The following MAGI2 variants were observed in gnomAD, a reference collection of about 807,000 sequenced individuals.
MAGI2 encodes membrane-associated guanylate kinase, WW and PDZ domain-containing protein 2.
MAGI2 carries 35 observed loss-of-function variants against 133.3 expected under a neutral mutation model. That is an observed-to-expected ratio of 0.26 (90% confidence interval 0.20 to 0.35). The LOEUF (loss-of-function observed/expected upper bound fraction) is 0.35, where lower values mean the gene tolerates loss of function less well. Among genes scored for constraint, MAGI2 ranks in the 10% least tolerant of loss-of-function variants. MAGI2 has a pLI of 1.00. For synonymous variants in MAGI2, 729 were observed against 710.6 expected (o/e 1.03, Z -0.41); for missense variants, 1,636 against 1,863.4 (o/e 0.88, Z 2.25).
At chr7:78,624,648 G>A (rs572216860) in intron 3 of MAGI2, among the ~76,000 whole-genome samples, 37 of 152,136 alleles carry the variant, frequency 2.4e-4, no homozygotes, top group Non-Finnish European at 3.4e-4. Context: ...CCTTTTGGGC[G>A]GGTGCTGAGA....
chr7:78,925,143 T>C (rs1799594778), intron 2 of MAGI2, among the ~76,000 whole-genome samples: 1 of 152,036 alleles, frequency 6.6e-6, no homozygotes, highest in Admixed American at 6.6e-5. Context: ...CTTTTACGCA[T>C]CCCAAAATAT....
intron 1 of MAGI2, among the ~76,000 whole-genome samples, chr7:79,141,447 C>T (rs1033233674): frequency 3.9e-5 from 6 of 152,140 alleles, no homozygotes; most frequent in African/African-American, 9.7e-5. Context: ...ATTAATGTAA[C>T]ATCTACTTCA....
chr7:79,416,351 G>T (rs967447477), intron 1 of MAGI2, among the ~76,000 whole-genome samples: 2 of 151,922 alleles, frequency 1.3e-5, no homozygotes, highest in Non-Finnish European at 2.9e-5. Flanking sequence ...GGGAGAGAAG[G>T]TAGGAAAGAA....
chr7:78,929,645 G>C (rs990177131), intron 2 of MAGI2, among the ~76,000 whole-genome samples: 1 of 151,954 alleles, frequency 6.6e-6, no homozygotes, highest in Non-Finnish European at 1.5e-5. Context: ...CATCACGTAG[G>C]CTTCTTTTAT....
intron 9 of MAGI2, among the ~76,000 whole-genome samples, chr7:78,312,542 T>C (rs1240616822): frequency 6.6e-6 from 1 of 151,918 alleles, no homozygotes; most frequent in Non-Finnish European, 1.5e-5. Flanking sequence ...AAAAAATAAA[T>C]AGCCCCATAA....
At chr7:79,094,357 A>T (rs1817341868) in intron 1 of MAGI2, among the ~76,000 whole-genome samples, 1 of 152,138 alleles carries the variant, frequency 6.6e-6, no homozygotes, top group Non-Finnish European at 1.5e-5. Context: ...TTCTAATTCT[A>T]GTTATTTTGC....
intron 1 of MAGI2, among the ~76,000 whole-genome samples, chr7:79,176,175 A>G (rs182959276): frequency 2.6e-5 from 4 of 152,132 alleles, no homozygotes; most frequent in South Asian, 2.1e-4. Flanking sequence ...TGTGGTGGAC[A>G]TCATGATGCC....
At chr7:78,818,948 T>C (rs1450214662) in intron 2 of MAGI2, among the ~76,000 whole-genome samples, 1 of 152,110 alleles carries the variant, frequency 6.6e-6, no homozygotes, top group Non-Finnish European at 1.5e-5. Flanking sequence ...TCAGAATACA[T>C]AGAAAAATAG....
At chr7:78,502,658 T>C (rs1794727872) in intron 4 of MAGI2, among the ~76,000 whole-genome samples, 1 of 152,214 alleles carries the variant, frequency 6.6e-6, no homozygotes, top group Non-Finnish European at 1.5e-5. Flanking sequence ...TTGTATAGTA[T>C]ATATAGGATT....
At chr7:78,157,272 A>C (rs1301966120) in intron 16 of MAGI2, among the ~76,000 whole-genome samples, 1 of 152,204 alleles carries the variant, frequency 6.6e-6, no homozygotes, top group Non-Finnish European at 1.5e-5. Flanking sequence ...TGTGAAGAAA[A>C]GCCATGAAGC....
At chr7:78,363,289 T>G (rs142700383) in intron 7 of MAGI2, among the ~76,000 whole-genome samples, 3,198 of 152,158 alleles carry the variant, frequency 0.021, 52 homozygotes, top group Non-Finnish European at 0.034. Context: ...GTCAGGAGAT[T>G]GAGACCATCC....
At chr7:78,757,707 C>T (rs1410566617) in intron 2 of MAGI2, among the ~76,000 whole-genome samples, 1 of 152,158 alleles carries the variant, frequency 6.6e-6, no homozygotes, top group African/African-American at 2.4e-5. Context: ...TCTTCCTCCT[C>T]TCATTCTGGT....
chr7:78,237,892 TAGTC>T (rs1253456183), intron 10 of MAGI2, among the ~76,000 whole-genome samples: 2 of 152,316 alleles, frequency 1.3e-5, no homozygotes, highest in African/African-American at 4.8e-5. Flanking sequence ...TCTTGCCAAT[TAGTC>T]AATCATTTTT....
At chr7:79,074,075 C>T (rs115114911) in intron 1 of MAGI2, among the ~76,000 whole-genome samples, 131 of 152,224 alleles carry the variant, frequency 8.6e-4, no homozygotes, top group African/African-American at 3.0e-3. Flanking sequence ...ATATGCCCCA[C>T]TAGGTTACAA....
At chr7:78,259,623 T>C (rs897249911) in intron 9 of MAGI2, among the ~76,000 whole-genome samples, 2 of 152,170 alleles carry the variant, frequency 1.3e-5, no homozygotes, top group South Asian at 2.1e-4. Context: ...TTGAGTATGA[T>C]TGTGGAAACA....
chr7:78,327,910 G>T (rs1788749810), intron 9 of MAGI2, among the ~76,000 whole-genome samples: 1 of 152,110 alleles, frequency 6.6e-6, no homozygotes, highest in Non-Finnish European at 1.5e-5. Context: ...GTCTCAGCAA[G>T]ACATGTAGTC....
intron 1 of MAGI2, among the ~76,000 whole-genome samples, chr7:79,193,471 G>T (rs2129551344): frequency 6.6e-6 from 1 of 151,900 alleles, no homozygotes; most frequent in African/African-American, 2.4e-5. Flanking sequence ...TACATATGCA[G>T]GTACAAACTA....
chr7:79,429,895 T>G (rs988755599), intron 1 of MAGI2, among the ~76,000 whole-genome samples: 2 of 152,120 alleles, frequency 1.3e-5, no homozygotes, highest in Non-Finnish European at 2.9e-5. Context: ...ATAGTCAAGT[T>G]AACTTTTTAT....
At chr7:78,214,892 G>A (rs950585110) in intron 10 of MAGI2, among the ~76,000 whole-genome samples, 12 of 152,230 alleles carry the variant, frequency 7.9e-5, no homozygotes, top group East Asian at 3.9e-4. Flanking sequence ...TTTATTTTTC[G>A]TATCCCCAGG....
Sources: allele counts gnomAD v4.1 joint callset (sites outside exome capture counted in the v4.1 genomes callset), GRCh38; gene constraint gnomAD v4.1.1; transcripts MANE v1.5; gene names NCBI Gene and HGNC (gene_info 2026-07-23, HGNC 2026-07-21).